The following LYST variants were observed in gnomAD, a reference collection of about 807,000 sequenced individuals.
LYST encodes the protein lysosomal trafficking regulator.
In LYST, 192 loss-of-function variants were observed where a neutral mutation model predicts 413.6. That is an observed-to-expected ratio of 0.46 (90% CI 0.41 to 0.52). The LOEUF is 0.52. Ranked by LOEUF, LYST falls within the 20% of genes least tolerant of loss-of-function variation. The pLI, the probability that LYST is intolerant of heterozygous loss-of-function variation, is 0.00. For synonymous variants in LYST, 1,525 were observed against 1,567.3 expected (o/e 0.97, Z 0.64); for missense variants, 3,815 against 4,499.9 (o/e 0.85, Z 4.35).
At chr1:235,781,119 C>A in intron 15 of LYST, 64 bp from the exon 16 acceptor site, 1 of 995,738 alleles carries the variant, frequency 1.0e-6, no homozygotes, top group Non-Finnish European at 1.6e-6. Context: ...TCATAAAAAG[C>A]AAGAAACCAG....
At chr1:235,869,435 A>G (rs1432960299), upstream of LYST, among the ~76,000 whole-genome samples, 2 of 152,136 alleles carry the variant, frequency 1.3e-5, no homozygotes, top group Non-Finnish European at 2.9e-5. Flanking sequence ...TAGCGCCACT[A>G]CAGTCTGGCC....
chr1:235,665,419 A>G (rs1286847495), intron 50 of LYST, among the ~76,000 whole-genome samples: 185 of 151,608 alleles, frequency 1.2e-3, no homozygotes, highest in Non-Finnish European at 1.7e-3. Flanking sequence ...AGACCAGCCT[A>G]GTTAACATGG....
chr1:235,805,564 T>C (rs1254561428), intron 6 of LYST, among the ~76,000 whole-genome samples, 179 bp downstream of exon 6: 1 of 150,726 alleles, frequency 6.6e-6, no homozygotes, highest in Non-Finnish European at 1.5e-5. Flanking sequence ...TGTGTATATA[T>C]ACATAAAACA....
At chr1:235,731,332 A>C (rs1286623437) in intron 34 of LYST, among the ~76,000 whole-genome samples, 155 bp from the exon 35 acceptor site, 1 of 152,198 alleles carries the variant, frequency 6.6e-6, no homozygotes, top group African/African-American at 2.4e-5. Context: ...ATGCATATAC[A>C]AGTAGAAGTA....
At chr1:235,704,000 T>C (rs1661757094) in intron 44 of LYST, among the ~76,000 whole-genome samples, 1 of 152,140 alleles carries the variant, frequency 6.6e-6, no homozygotes, top group Admixed American at 6.5e-5. Context: ...AGTGAGAACA[T>C]GTGGTATTTG....
rs776018257 is a variant in LYST, at chr1:235,734,623, T to C, written c.8395A>G (p.Ile2799Val). 9 of 1,612,270 alleles carry C rather than the reference T, an allele frequency of 5.6e-6. No homozygotes were observed. Among genetic ancestry groups the C allele is most frequent in the Non-Finnish European group, 5.9e-6 (7 of 1,178,794 alleles). The change falls in exon 32 of 53, where the codon ATA becomes GTA. Residue 2799 changes from isoleucine to valine, a missense_variant. Ile to Val is a conservative substitution (Grantham distance 29, BLOSUM62 3). Transcript: ENST00000389793. ...GTCAATTCACCTTGGTGATTATGTA[T>C]CAACTCTGACAAATACAAAACTAAC... ...AKLVLYLSEL[I>V]HNHQGELTEE...
intron 1 of LYST, among the ~76,000 whole-genome samples, chr1:235,863,222 C>A (rs1680108626): frequency 6.6e-6 from 1 of 151,842 alleles, no homozygotes; most frequent in Admixed American, 6.6e-5. Flanking sequence ...GAAACCCCAT[C>A]TCTGCTAAAA....
At chr1:235,747,016 G>C (rs985893356) in intron 28 of LYST, among the ~76,000 whole-genome samples, 1 of 152,190 alleles carries the variant, frequency 6.6e-6, no homozygotes. Context: ...TGAAAGTGAA[G>C]AGATCAGGAA....
Position 235,734,485 on chromosome 1 carries a change from C to G in LYST, c.8533G>C (p.Glu2845Gln). Reference sequence around the variant, plus strand: ...GTACTATGGTTTCATTGACTCACCTCTTTGATCATTTTAATAAGGTCTGCT... The same window carrying G: ...GTACTATGGTTTCATTGACTCACCTGTTTGATCATTTTAATAAGGTCTGCT... ...TKADLIKMIK[E>Q]EQKKYETEEG... Residue 2845 changes from glutamate (E) to glutamine (Q), a missense_variant and splice_region_variant, in exon 32 of 53, where the codon GAG (glutamate) becomes CAG (glutamine). Glu to Gln is a conservative substitution (Grantham distance 29). Coordinates refer to ENST00000389793, the MANE Select transcript of LYST (RefSeq NM_000081.4). The G allele has an allele frequency of 6.2e-7, 1 of 1,613,090 alleles. No homozygotes were observed. Among genetic ancestry groups the G allele is most frequent in the South Asian group, 1.1e-5 (1 of 91,058 alleles).
rs1672765036 is a variant in LYST at position 235,805,754 on chromosome 1, A to G, written c.3382T>C (p.Leu1128=). 1 of 1,612,510 alleles carries G rather than the reference A, an allele frequency of 6.2e-7. No homozygotes were observed. The highest frequency in any genetic ancestry group is 8.5e-7 in the Non-Finnish European group (1 of 1,179,294). Residue 1128 remains leucine (L), a synonymous_variant, in exon 6 of 53, where the codon TTA becomes CTA. Transcript: ENST00000389793. ...GGACAAGGTATTACCTGATTAGGTA[A>G]CTCCAATTCCATCTTCTGTTGACTA... ...RTSQQKMELE[L]PNQNLSVESI... is the part of the protein sequence containing the mutation.
chr1:235,666,926 C>A (rs1448603172), intron 50 of LYST, among the ~76,000 whole-genome samples: 1 of 152,240 alleles, frequency 6.6e-6, no homozygotes, highest in East Asian at 1.9e-4. Flanking sequence ...CCATAGCTAC[C>A]ACTACTGCAT....
At chr1:235,731,651 C>T (rs1383523124) in intron 34 of LYST, among the ~76,000 whole-genome samples, 3 of 151,088 alleles carry the variant, frequency 2.0e-5, no homozygotes, top group Admixed American at 1.3e-4. Context: ...TTCTGCCTCC[C>T]GGGCTCAAGC....
At chr1:235,733,458 T>TA (rs763897944) in intron 34 of LYST, 45 bp downstream of exon 34, 1 of 1,532,310 alleles carries the variant, frequency 6.5e-7, no homozygotes, top group Non-Finnish European at 9.0e-7. Flanking sequence ...ATCAATATCT[T>TA]AAATCTTCAT....
chr1:235,880,909 A>T (rs1681348721), intron 1 of LYST, among the ~76,000 whole-genome samples: 2 of 152,132 alleles, frequency 1.3e-5, no homozygotes, highest in South Asian at 4.1e-4. Context: ...GTGGATCGCC[A>T]GAGGTCCGGA....
intron 3 of LYST, among the ~76,000 whole-genome samples, chr1:235,825,633 G>C (rs1257230636): frequency 1.3e-5 from 2 of 152,076 alleles, no homozygotes; most frequent in African/African-American, 2.4e-5. Flanking sequence ...CAAACAACAG[G>C]CAGGACCTCT....
chr1:235,718,792 C>G (rs185668886), intron 40 of LYST, among the ~76,000 whole-genome samples: 30 of 152,260 alleles, frequency 2.0e-4, no homozygotes, highest in Middle Eastern at 3.4e-3. Context: ...AATTCTGTTC[C>G]TTTAATTGCC....
At chr1:235,836,734 C>T (rs1676620905) in intron 1 of LYST, among the ~76,000 whole-genome samples, 1 of 151,992 alleles carries the variant, frequency 6.6e-6, no homozygotes, top group Non-Finnish European at 1.5e-5. Flanking sequence ...CAATGCCCAC[C>T]CAAAAAAGAC....
At chr1:235,879,313 G>A (rs1216464635) in intron 1 of LYST, among the ~76,000 whole-genome samples, 1 of 152,236 alleles carries the variant, frequency 6.6e-6, no homozygotes, top group Non-Finnish European at 1.5e-5. Context: ...ACCAGTTGAA[G>A]GCAGGCATAT....
chr1:235,741,645 T>C lies in LYST; in HGVS notation c.8152-17A>G, dbSNP rs530358928. On this transcript the variant is annotated splice_polypyrimidine_tract_variant and intron_variant, in intron 30 of 52. Coordinates refer to ENST00000389793, the MANE Select transcript of LYST (RefSeq NM_000081.4). Reference sequence around the variant, plus strand: ...ACTTGAACCCTAAAATCAATCAAGATAGGAATGAATTAGGATCAGACTGCT... The same window carrying C: ...ACTTGAACCCTAAAATCAATCAAGACAGGAATGAATTAGGATCAGACTGCT... 72 of 1,581,476 alleles carry C rather than the reference T, an allele frequency of 4.6e-5. No homozygotes were observed. In the South Asian group the frequency reaches 7.2e-4, roughly 16 times the overall value.
Sources: allele counts gnomAD v4.1 joint callset (sites outside exome capture counted in the v4.1 genomes callset), GRCh38; gene constraint gnomAD v4.1.1; transcripts MANE v1.5; gene names NCBI Gene and HGNC (gene_info 2026-07-23, HGNC 2026-07-21).